UGT1A10: variants seen among roughly 807,000 people sequenced by gnomAD.
UGT1A10 encodes UDP glucuronosyltransferase family 1 member A10.
A neutral mutation model predicts 45.8 loss-of-function variants in UGT1A10; 49 were observed. The ratio of observed to expected loss-of-function variants is 1.07; its 90% CI spans 0.85 to 1.36. The LOEUF is 1.36. UGT1A10 is among the 40% of genes most tolerant of loss of function. The pLI is 0.00. For missense variants in UGT1A10, 745 were observed against 668.6 expected, an observed-to-expected ratio of 1.11 and a Z score of -1.26; for synonymous variants, 284 against 249.7, an observed-to-expected ratio of 1.14 and a Z score of -1.29.
chr2:233,720,006 T>C (rs1403033451), intron 1 of UGT1A10, among the ~76,000 whole-genome samples: 1 of 152,190 alleles, frequency 6.6e-6, no homozygotes, highest in Non-Finnish European at 1.5e-5. Context: ...CATTCAGAAC[T>C]GATCCATCCT....
chr2:233,745,758 T>G (rs1376334947), intron 1 of UGT1A10, among the ~76,000 whole-genome samples: 23 of 128,998 alleles, frequency 1.8e-4, no homozygotes, highest in East Asian at 4.6e-4. Context: ...GCAGAAGGGG[T>G]GGAGAGGAGG....
chr2:233,695,753 C>T (rs1452748853), intron 1 of UGT1A10, among the ~76,000 whole-genome samples: 1 of 152,168 alleles, frequency 6.6e-6, no homozygotes, highest in Non-Finnish European at 1.5e-5. Flanking sequence ...GACAGGTCTT[C>T]ATCCTTTTTT....
intron 1 of UGT1A10, among the ~76,000 whole-genome samples, chr2:233,639,764 C>T (rs560412944): frequency 1.3e-5 from 2 of 152,266 alleles, no homozygotes; most frequent in African/African-American, 4.8e-5. Context: ...GGCCCCATCT[C>T]CAATTTCAAC....
chr2:233,680,729 G>A (rs928524208), intron 1 of UGT1A10, among the ~76,000 whole-genome samples: 3 of 152,104 alleles, frequency 2.0e-5, no homozygotes, highest in African/African-American at 4.8e-5. Context: ...AGGGGTGCTC[G>A]GTAGAATGGA....
At chr2:233,764,199 A>T (rs1193982268) in intron 1 of UGT1A10, among the ~76,000 whole-genome samples, 1 of 152,170 alleles carries the variant, frequency 6.6e-6, no homozygotes, top group Non-Finnish European at 1.5e-5. Flanking sequence ...GGGGCATCTC[A>T]TCTTTTCTTT....
chr2:233,669,738 T>A (rs1275054316), intron 1 of UGT1A10, among the ~76,000 whole-genome samples: 1 of 152,124 alleles, frequency 6.6e-6, no homozygotes, highest in Non-Finnish European at 1.5e-5. Context: ...GGCTGGAGTA[T>A]AATGGCGTGA....
At chr2:233,758,553 G>A (rs1420441081) in intron 1 of UGT1A10, among the ~76,000 whole-genome samples, 1 of 152,202 alleles carries the variant, frequency 6.6e-6, no homozygotes, top group Non-Finnish European at 1.5e-5. Context: ...TGCTTGCCCA[G>A]AATCTTGGTC....
intron 1 of UGT1A10, chr2:233,718,959 G>A: frequency 9.3e-6 from 15 of 1,614,212 alleles, no homozygotes; most frequent in Non-Finnish European, 1.3e-5. Context: ...CATGCGGGAG[G>A]CCTTGCGGGA....
chr2:233,692,904 C>T (rs2075119430), intron 1 of UGT1A10: 3 of 1,547,216 alleles, frequency 1.9e-6, no homozygotes, highest in East Asian at 4.5e-5. Context: ...GTAGACAGGA[C>T]CTGTGAAAAG....
At chr2:233,753,727 C>T (rs767953067) in intron 1 of UGT1A10, 2 of 152,174 alleles carry the variant, frequency 1.3e-5, no homozygotes, top group African/African-American at 2.4e-5. Flanking sequence ...ATTTGATATG[C>T]CCCAAGCACA....
intron 1 of UGT1A10, chr2:233,741,005 T>G (rs1691537974): frequency 6.6e-6 from 1 of 151,828 alleles, no homozygotes; most frequent in African/African-American, 2.4e-5. Context: ...AAGGATCACT[T>G]GAGCCCAGGA....
At chr2:233,644,446 T>G (rs1005923636) in intron 1 of UGT1A10, among the ~76,000 whole-genome samples, 7 of 152,126 alleles carry the variant, frequency 4.6e-5, no homozygotes, top group African/African-American at 1.7e-4. Context: ...TGCATGCCGG[T>G]AATCCCAGCT....
chr2:233,718,332 T>C (rs1444016327), intron 1 of UGT1A10, among the ~76,000 whole-genome samples: 1 of 152,208 alleles, frequency 6.6e-6, no homozygotes, highest in East Asian at 1.9e-4. Flanking sequence ...CTTAGCAATG[T>C]TGTATGTCTT....
At chr2:233,638,735 AAC>A (rs1465662640) in intron 1 of UGT1A10, among the ~76,000 whole-genome samples, 1 of 152,176 alleles carries the variant, frequency 6.6e-6, no homozygotes, top group East Asian at 1.9e-4. Flanking sequence ...TAGACTTTGT[AAC>A]ACAGTTATAT....
At chr2:233,641,903 T>G (rs1417565088) in intron 1 of UGT1A10, among the ~76,000 whole-genome samples, 1 of 152,080 alleles carries the variant, frequency 6.6e-6, no homozygotes, top group Non-Finnish European at 1.5e-5. Context: ...TGTTTGTTAT[T>G]TATCTCTTCT....
intron 1 of UGT1A10, among the ~76,000 whole-genome samples, chr2:233,694,733 T>G (rs1314036348): frequency 1.3e-5 from 2 of 152,174 alleles, no homozygotes; most frequent in African/African-American, 4.8e-5. Flanking sequence ...TGTTAACAAT[T>G]TGAACAGTTG....
At chr2:233,730,491 G>C (rs1414931155) in intron 1 of UGT1A10, among the ~76,000 whole-genome samples, 4 of 152,196 alleles carry the variant, frequency 2.6e-5, no homozygotes, top group African/African-American at 9.6e-5. Context: ...TGAAATAGAA[G>C]TGTCAGAGAG....
intron 1 of UGT1A10, among the ~76,000 whole-genome samples, chr2:233,749,373 T>C (rs1474844214): frequency 3.9e-5 from 6 of 151,924 alleles, no homozygotes; most frequent in Non-Finnish European, 7.3e-5. Flanking sequence ...TGCCCTTTTC[T>C]TCCAGTTTTT....
At chr2:233,681,360 C>T (rs1395984620) in intron 1 of UGT1A10, among the ~76,000 whole-genome samples, 1 of 151,620 alleles carries the variant, frequency 6.6e-6, no homozygotes, top group Non-Finnish European at 1.5e-5. Context: ...ATGGTGAAAC[C>T]CCGTCTCCAC....
Sources: allele counts gnomAD v4.1 joint callset (sites outside exome capture counted in the v4.1 genomes callset), GRCh38; gene constraint gnomAD v4.1.1; transcripts MANE v1.5; gene names NCBI Gene and HGNC (gene_info 2026-07-23, HGNC 2026-07-21).